The following SH3RF3 variants were observed in gnomAD, a reference collection of about 807,000 sequenced individuals.
SH3RF3 encodes the protein E3 ubiquitin-protein ligase SH3RF3.
SH3RF3 carries 29 observed loss-of-function variants against 66.3 expected under a neutral mutation model. The observed-to-expected ratio is 0.44, with a 90% CI of 0.33 to 0.60. The LOEUF (loss-of-function observed/expected upper bound fraction) is 0.60, where lower values mean the gene tolerates loss of function less well. Ranked by LOEUF, SH3RF3 falls within the 20% of genes least tolerant of loss-of-function variation. The pLI, the probability that SH3RF3 is intolerant of heterozygous loss-of-function variation, is 0.04. For missense variants in SH3RF3, 1,194 were observed against 1,190.9 expected, an observed-to-expected ratio of 1.00 and a Z score of -0.04; for synonymous variants, 583 against 532.0, an observed-to-expected ratio of 1.10 and a Z score of -1.32.
chr2:109,340,659 A>G (rs190254571), intron 1 of SH3RF3, among the ~76,000 whole-genome samples: 53 of 152,288 alleles, frequency 3.5e-4, no homozygotes, highest in South Asian at 1.5e-3. Flanking sequence ...CAAGTAGTCA[A>G]TGATCATTGT....
chr2:109,453,847 G>A (rs1239110116), intron 8 of SH3RF3, among the ~76,000 whole-genome samples: 1 of 152,192 alleles, frequency 6.6e-6, no homozygotes, highest in East Asian at 1.9e-4. Context: ...GAGACTTCCC[G>A]GGGCACAGAT....
intron 1 of SH3RF3, among the ~76,000 whole-genome samples, chr2:109,342,875 A>G (rs949056891): frequency 1.3e-5 from 2 of 152,260 alleles, no homozygotes; most frequent in African/African-American, 4.8e-5. Flanking sequence ...TTTAATTATT[A>G]TTAATGCCTT....
intron 8 of SH3RF3, among the ~76,000 whole-genome samples, chr2:109,450,669 T>A (rs1406750956): frequency 6.6e-6 from 1 of 152,216 alleles, no homozygotes; most frequent in Non-Finnish European, 1.5e-5. Flanking sequence ...GTATTTTTTT[T>A]TTACGTGAAG....
chr2:109,445,123 G>A (rs13408371), intron 7 of SH3RF3, among the ~76,000 whole-genome samples: 14,358 of 152,200 alleles, frequency 0.094, 2,159 homozygotes, highest in African/African-American at 0.31. Flanking sequence ...AAGCCATACA[G>A]AGGAATTTAT....
At chr2:109,495,626 T>C (rs1355079309) in intron 9 of SH3RF3, among the ~76,000 whole-genome samples, 1 of 84,650 alleles carries the variant, frequency 1.2e-5, no homozygotes, top group Non-Finnish European at 2.6e-5. Flanking sequence ...TAGCTGGGAT[T>C]GATTACAGGC....
intron 4 of SH3RF3, among the ~76,000 whole-genome samples, chr2:109,414,407 T>A (rs1676670352): frequency 6.6e-6 from 1 of 152,110 alleles, no homozygotes. Context: ...TGATTCAGGT[T>A]TCATCTGGTT....
rs1207446544 is a variant in SH3RF3 at position 109,449,177 on chromosome 2, C to T, written c.1836C>T (p.His612=). ...QARSTISTAA[H]SAAQAQDRPT... ...CTCCAACCCCGTCTCCAGCTGCCCA[C>T]TCTGCAGCCCAGGCTCAGGACCGGC... The change falls in exon 8 of 10, where the codon CAC becomes CAT. Residue 612 remains histidine, a synonymous_variant. Transcript: ENST00000309415. 1.9e-6 allele frequency: 3 copies of T among 1,613,544 alleles called. No homozygotes were observed. The highest frequency in any genetic ancestry group is 2.5e-6 in the Non-Finnish European group (3 of 1,179,766).
chr2:109,353,688 C>T lies in SH3RF3; in HGVS notation c.849+5739C>T, dbSNP rs535034044. Among the ~76,000 whole-genome samples the T allele has an allele frequency of 4.0e-5, 6 of 151,720 alleles. No homozygotes were observed. The South Asian group carries it at 1.0e-3, about 26-fold the overall frequency. ...TCAGATGTTTATCAACCCTAGACTGCGTGCCCAATGCCAGGGATGCTGTGG... is the reference window on the plus strand; with the variant it reads ...TCAGATGTTTATCAACCCTAGACTGTGTGCCCAATGCCAGGGATGCTGTGG... On this transcript the variant is annotated intron_variant, in intron 2 of 9. Coordinates refer to ENST00000309415, the MANE Select transcript of SH3RF3 (RefSeq NM_001099289.3).
intron 3 of SH3RF3, among the ~76,000 whole-genome samples, chr2:109,391,481 C>T (rs1177855419): frequency 6.6e-6 from 1 of 152,234 alleles, no homozygotes; most frequent in Non-Finnish European, 1.5e-5. Context: ...ACACAGGTCT[C>T]CAGCACACTC....
chr2:109,398,865 G>A lies in SH3RF3; in HGVS notation c.1221G>A (p.Val407=), dbSNP rs1676226836. 3.1e-6 allele frequency: 5 copies of A among 1,613,938 alleles called. No individual in the cohort carries two copies. The highest frequency in any genetic ancestry group is 2.2e-5 in the East Asian group (1 of 44,880). ...ATTCCATGGAAATTAGTGCTCCAGT[G>A]TTGATCAGCTCCAGCGATCCCCGAG... is the stretch of plus-strand genomic sequence containing the variant. The part of the protein sequence containing the change: ...HRHSMEISAP[V]LISSSDPRAA... The change falls in exon 4 of 10, where the codon GTG becomes GTA. Residue 407 remains valine (V), a synonymous_variant. Transcript: ENST00000309415.
intron 1 of SH3RF3, among the ~76,000 whole-genome samples, chr2:109,193,822 C>T (rs1202419873): frequency 1.3e-5 from 2 of 152,126 alleles, no homozygotes; most frequent in African/African-American, 2.4e-5. Flanking sequence ...GTGTTTTCTA[C>T]CCAGCACCTG....
intron 1 of SH3RF3, among the ~76,000 whole-genome samples, chr2:109,173,753 G>C (rs1393746912): frequency 6.6e-6 from 1 of 152,176 alleles, no homozygotes; most frequent in Non-Finnish European, 1.5e-5. Context: ...AGGGACTGTG[G>C]TAGCCTGCCT....
chr2:109,298,824 C>A (rs375095280), intron 1 of SH3RF3, among the ~76,000 whole-genome samples: 1 of 152,306 alleles, frequency 6.6e-6, no homozygotes, highest in East Asian at 1.9e-4. Flanking sequence ...ACCAGAGGGT[C>A]CTGTTTCTGC....
chr2:109,188,278 A>T (rs1678250062), intron 1 of SH3RF3, among the ~76,000 whole-genome samples: 1 of 152,210 alleles, frequency 6.6e-6, no homozygotes. Context: ...CAACTGTGCC[A>T]GTCTTTCTGT....
At chr2:109,181,632 G>A (rs984079760) in intron 1 of SH3RF3, among the ~76,000 whole-genome samples, 1 of 152,196 alleles carries the variant, frequency 6.6e-6, no homozygotes, top group East Asian at 1.9e-4. Context: ...AGGACCTGCA[G>A]TAGATGCCTG....
At chr2:109,471,581 A>G (rs1170903262) in intron 8 of SH3RF3, among the ~76,000 whole-genome samples, 1 of 152,166 alleles carries the variant, frequency 6.6e-6, no homozygotes, top group African/African-American at 2.4e-5. Flanking sequence ...CAGTGGCAAA[A>G]TTCATCATTG....
rs141804753 is a variant in SH3RF3, at chr2:109,135,950, C to G, written c.573+5837C>G. 8.5e-5 allele frequency among the ~76,000 whole-genome samples: 13 copies of G among 152,282 alleles called. No individual in the cohort carries two copies. The East Asian group carries it at 2.5e-3, about 29-fold the overall frequency. On this transcript the variant is annotated intron_variant, in intron 1 of 9. Transcript: ENST00000309415. ...TAATCCTGCTCAGTTGCTGATCCAG[C>G]CTGTTGGCAGGCTATCCTGAAAACG... is the stretch of plus-strand genomic sequence containing the variant.
Position 109,503,080 on chromosome 2 carries a change from A to G in SH3RF3, c.*1409A>G, listed in dbSNP as rs1679438600. The G allele has an allele frequency of 6.6e-6, 1 of 152,178 alleles. No homozygotes were observed. Among genetic ancestry groups the G allele is most frequent in the African/African-American group, 2.4e-5 (1 of 41,430 alleles). 9.4% of individuals were successfully genotyped at this position (152,178 alleles called of 1,614,324 possible). A position where few individuals can be genotyped will look rare whatever the true frequency, so the allele number is the denominator to read the frequency against. ...GAGTGGGGCTGATGAATGTATATTCATTAGCACCATGGCTCACTTCCCAGG... is the reference window on the plus strand; with the variant it reads ...GAGTGGGGCTGATGAATGTATATTCGTTAGCACCATGGCTCACTTCCCAGG... On this transcript the variant is annotated 3_prime_UTR_variant, in exon 10 of 10. Coordinates refer to ENST00000309415, the MANE Select transcript of SH3RF3 (RefSeq NM_001099289.3).
rs1683274211 is a variant in SH3RF3, at chr2:109,371,616, G to C, written c.880G>C (p.Asp294His). 1.9e-6 allele frequency: 3 copies of C among 1,613,926 alleles called. No individual in the cohort carries two copies. Among genetic ancestry groups the C allele is most frequent in the Non-Finnish European group, 2.5e-6 (3 of 1,179,930 alleles). The change falls in exon 3 of 10, where the codon GAT becomes CAT. Residue 294 changes from aspartate (D) to histidine (H), a missense_variant. Physicochemically the swap from Asp to His is moderately conservative, Grantham distance 81. Coordinates refer to ENST00000309415, the MANE Select transcript of SH3RF3 (RefSeq NM_001099289.3). ...DEILTVLRRV[D>H]ENWAEGMLGD... ...GATTCTGACGGTGCTCAGGAGAGTG[G>C]ATGAGAACTGGGCGGAAGGCATGCT... is the stretch of plus-strand genomic sequence containing the variant.
Sources: allele counts gnomAD v4.1 joint callset (sites outside exome capture counted in the v4.1 genomes callset), GRCh38; gene constraint gnomAD v4.1.1; transcripts MANE v1.5; gene names NCBI Gene and HGNC (gene_info 2026-07-23, HGNC 2026-07-21).